PCDH9: variants seen among roughly 807,000 people sequenced by gnomAD.
The protein encoded by PCDH9 is protocadherin 9.
In PCDH9, 24 loss-of-function variants were observed where a neutral mutation model predicts 70.6. That is an observed-to-expected ratio of 0.34 (90% CI 0.25 to 0.48). The LOEUF (loss-of-function observed/expected upper bound fraction) is 0.48. PCDH9 is among the 20% of genes least tolerant of loss of function. The pLI, the probability that PCDH9 is intolerant of heterozygous loss-of-function variation, is 0.99. For missense variants in PCDH9, 1,281 were observed against 1,503.6 expected (o/e 0.85, Z 2.45); for synonymous variants, 562 against 558.5 (o/e 1.01, Z -0.09).
chr13:67,058,476 T>C (rs2138117840), intron 2 of PCDH9, among the ~76,000 whole-genome samples: 1 of 152,310 alleles, frequency 6.6e-6, no homozygotes, highest in South Asian at 2.1e-4. Context: ...TTTCACTGCA[T>C]TGCCCTCGTC....
At chr13:66,929,563 A>T (rs751949075) in intron 2 of PCDH9, among the ~76,000 whole-genome samples, 2 of 152,088 alleles carry the variant, frequency 1.3e-5, no homozygotes, top group Non-Finnish European at 2.9e-5. Context: ...ACCTCAGGTG[A>T]TCCACCTGCC....
intron 3 of PCDH9, among the ~76,000 whole-genome samples, chr13:66,638,062 A>AG (rs375958943): frequency 6.4e-4 from 97 of 152,348 alleles, no homozygotes; most frequent in African/African-American, 2.3e-3. Context: ...TAAAGGTATT[A>AG]GCATTGCTCA....
At chr13:66,985,774 GTA>G (rs2083879047) in intron 2 of PCDH9, 1 of 152,074 alleles carries the variant, frequency 6.6e-6, no homozygotes, top group African/African-American at 2.4e-5. Flanking sequence ...GTTTAGTTGT[GTA>G]TGTGTGTGTG....
intron 3 of PCDH9, among the ~76,000 whole-genome samples, chr13:66,860,255 A>C (rs1046775947): frequency 6.6e-6 from 1 of 152,162 alleles, no homozygotes; most frequent in African/African-American, 2.4e-5. Context: ...CCCACAGTCC[A>C]TAAGACCTCA....
chr13:66,342,270 AT>A, intron 4 of PCDH9, among the ~76,000 whole-genome samples: 1 of 152,330 alleles, frequency 6.6e-6, no homozygotes. Context: ...AAGTGTGAGA[AT>A]TGCTACTATT....
chr13:66,763,680 T>C (rs2079663901), intron 3 of PCDH9, among the ~76,000 whole-genome samples: 1 of 152,118 alleles, frequency 6.6e-6, no homozygotes, highest in Non-Finnish European at 1.5e-5. Context: ...GTAGAAGTCA[T>C]GTGGAAGACA....
chr13:66,375,484 C>T (rs1956731962), intron 4 of PCDH9, among the ~76,000 whole-genome samples: 1 of 151,724 alleles, frequency 6.6e-6, no homozygotes, highest in Admixed American at 6.6e-5. Flanking sequence ...TAGGTAATAC[C>T]TATATACTTT....
intron 2 of PCDH9, among the ~76,000 whole-genome samples, chr13:66,917,579 C>T (rs1159532723): frequency 6.6e-6 from 1 of 151,304 alleles, no homozygotes; most frequent in Non-Finnish European, 1.5e-5. Flanking sequence ...TATTCAGTGA[C>T]TCAGTGTAAA....
chr13:67,043,205 T>G (rs1242644408), intron 2 of PCDH9, among the ~76,000 whole-genome samples: 1 of 152,174 alleles, frequency 6.6e-6, no homozygotes, highest in Non-Finnish European at 1.5e-5. Context: ...TGCCAATATT[T>G]TATTTTAGAA....
chr13:66,540,501 TA>T (rs930692754), intron 4 of PCDH9, among the ~76,000 whole-genome samples: 29 of 152,212 alleles, frequency 1.9e-4, no homozygotes, highest in African/African-American at 7.0e-4. Flanking sequence ...AACTAAATTT[TA>T]AAGGTTTCTT....
At chr13:66,862,868 T>G (rs1189768307) in intron 3 of PCDH9, among the ~76,000 whole-genome samples, 3 of 152,156 alleles carry the variant, frequency 2.0e-5, no homozygotes, top group African/African-American at 4.8e-5. Context: ...GCATAATTTT[T>G]TTTAATAACA....
chr13:67,217,697 C>T (rs2089638880), intron 2 of PCDH9: 1 of 152,058 alleles, frequency 6.6e-6, no homozygotes. Flanking sequence ...TGGAAGCATT[C>T]ACTTGGTACC....
chr13:67,191,125 T>G (rs2088898156), intron 2 of PCDH9, among the ~76,000 whole-genome samples: 1 of 152,102 alleles, frequency 6.6e-6, no homozygotes, highest in Admixed American at 6.6e-5. Flanking sequence ...ATATCCCTCT[T>G]CTTTTAAAAA....
intron 4 of PCDH9, among the ~76,000 whole-genome samples, chr13:66,348,305 T>G (rs193137245): frequency 1.1e-4 from 16 of 152,294 alleles, no homozygotes; most frequent in Admixed American, 2.0e-4. Flanking sequence ...CAACATTCCC[T>G]GTCTTCAGAC....
intron 2 of PCDH9, among the ~76,000 whole-genome samples, chr13:67,082,239 C>A (rs983695567): frequency 4.6e-5 from 7 of 152,116 alleles, no homozygotes; most frequent in African/African-American, 1.4e-4. Flanking sequence ...TTGACCAACA[C>A]CTCCCTACTT....
chr13:66,514,102 T>A (rs1271989207), intron 4 of PCDH9, among the ~76,000 whole-genome samples: 1 of 152,046 alleles, frequency 6.6e-6, no homozygotes, highest in Non-Finnish European at 1.5e-5. Flanking sequence ...TGAATGGAGA[T>A]TTATCTCTTT....
intron 2 of PCDH9, among the ~76,000 whole-genome samples, chr13:67,125,831 GTA>G (rs571391758): frequency 1.4e-5 from 2 of 146,926 alleles, no homozygotes; most frequent in African/African-American, 2.5e-5. Flanking sequence ...AAAAATGTGT[GTA>G]TATATATATG....
At chr13:66,953,258 T>C (rs1042157188) in intron 2 of PCDH9, among the ~76,000 whole-genome samples, 1 of 152,178 alleles carries the variant, frequency 6.6e-6, no homozygotes, top group Non-Finnish European at 1.5e-5. Context: ...TTTTTAACAT[T>C]TCCACCTAAA....
In PCDH9 at chr13:66,315,599, C is replaced by T. The variant is rs182327127; in HGVS notation, c.3341-10571G>A. 4.2e-4 allele frequency among the ~76,000 whole-genome samples: 64 copies of T among 152,132 alleles called. 1 individual carries two copies. Among genetic ancestry groups the T allele is most frequent in the East Asian group, 3.1e-3 (16 of 5,156 alleles). On this transcript the variant is annotated intron_variant, in intron 4 of 4. Transcript: ENST00000377865. ...CAGGTTCAAGTGATTCTCCTGCCTC[C>T]GCCTCCTGAGTAGCTGGGATTAGAG...
Sources: allele counts gnomAD v4.1 joint callset (sites outside exome capture counted in the v4.1 genomes callset), GRCh38; gene constraint gnomAD v4.1.1; transcripts MANE v1.5; gene names NCBI Gene and HGNC (gene_info 2026-07-23, HGNC 2026-07-21).